PRKN: variants seen among roughly 807,000 people sequenced by gnomAD.
The protein encoded by PRKN is parkin RBR E3 ubiquitin protein ligase, also known as E3 ubiquitin-protein ligase parkin.
A neutral mutation model predicts 59.5 loss-of-function variants in PRKN; 56 were observed. That is an observed-to-expected ratio of 0.94 (90% CI 0.76 to 1.18). PRKN has a LOEUF of 1.18. Ranked by LOEUF, PRKN falls within the 50% of genes most tolerant of loss-of-function variation. The probability of loss-of-function intolerance (pLI) is 0.00; values close to 1 mark genes in which losing one functional copy is unlikely to be tolerated. For missense variants in PRKN, 657 were observed against 596.4 expected (o/e 1.10, Z -1.06); for synonymous variants, 250 against 222.1 (o/e 1.13, Z -1.12).
intron 7 of PRKN, among the ~76,000 whole-genome samples, chr6:161,740,299 C>T (rs77255775): frequency 0.026 from 3,926 of 152,264 alleles, 178 homozygotes; most frequent in African/African-American, 0.09. Context: ...CCCTTTGAAC[C>T]TAAGGATGTT....
At chr6:161,394,453 T>G (rs1423649884) in intron 9 of PRKN, among the ~76,000 whole-genome samples, 2 of 152,216 alleles carry the variant, frequency 1.3e-5, no homozygotes, top group Non-Finnish European at 2.9e-5. Flanking sequence ...TCCAACACCC[T>G]GCAGCCCTAG....
At chr6:161,808,823 C>T (rs1007432808) in intron 6 of PRKN, among the ~76,000 whole-genome samples, 1 of 151,930 alleles carries the variant, frequency 6.6e-6, no homozygotes, top group Non-Finnish European at 1.5e-5. Flanking sequence ...AAGTCATATT[C>T]TGGTATTTTG....
At chr6:162,458,557 T>C (rs1208628843) in intron 1 of PRKN, among the ~76,000 whole-genome samples, 1 of 151,694 alleles carries the variant, frequency 6.6e-6, no homozygotes, top group Non-Finnish European at 1.5e-5. Context: ...CACTGTTAAA[T>C]ATTTCCAGTA....
rs371596216 is a variant in PRKN, at chr6:162,314,586, C to T, written c.172-51821G>A. The stretch of plus-strand genomic sequence containing the variant: ...ATTCTCCCTAGGTTCTCTCAGGGAA[C>T]GGCATCTCCAGGCAACTTACTCCCC... On this transcript the variant is annotated intron_variant, in intron 2 of 11. Coordinates refer to ENST00000366898, the MANE Select transcript of PRKN (RefSeq NM_004562.3). Among the ~76,000 whole-genome samples the T allele has an allele frequency of 4.8e-4, 73 of 152,212 alleles. 3 individuals are homozygous for T. The South Asian group carries it at 0.012, about 26-fold the overall frequency.
intron 2 of PRKN, among the ~76,000 whole-genome samples, chr6:162,285,191 T>C (rs1234086433): frequency 6.6e-6 from 1 of 151,560 alleles, no homozygotes; most frequent in Non-Finnish European, 1.5e-5. Context: ...ACAAGAATTA[T>C]ACAACATTTT....
At chr6:161,573,828 AT>A (rs1451341473) in intron 7 of PRKN, among the ~76,000 whole-genome samples, 2 of 123,570 alleles carry the variant, frequency 1.6e-5, no homozygotes, top group South Asian at 3.1e-4. Flanking sequence ...GTTTTGGAGA[AT>A]TTTTTGTTTC....
At chr6:161,577,030 C>G (rs1259345992) in intron 7 of PRKN, among the ~76,000 whole-genome samples, 1 of 152,092 alleles carries the variant, frequency 6.6e-6, no homozygotes, top group Admixed American at 6.5e-5. Context: ...AAGTATGTAT[C>G]AAATTGAAGG....
At position 161,582,398 on chromosome 6, in the gene PRKN, G is replaced by T. The variant is rs1046189024; in HGVS notation, c.872-12982C>A. Among the ~76,000 whole-genome samples the T allele has an allele frequency of 6.9e-6, 1 of 145,600 alleles. No homozygotes were observed. The highest frequency in any genetic ancestry group is 1.5e-5 in the Non-Finnish European group (1 of 66,956). ...AGCAGATATAATCTGAACTAGGAAA[G>T]ACTGCATCTGCAGACTATTATTATT... On this transcript the variant is annotated intron_variant, in intron 7 of 11. Transcript: ENST00000366898. This position sits in a 1 kb window ranked among gnomAD's most constrained non-coding sequence, Gnocchi z 4.4.
intron 6 of PRKN, among the ~76,000 whole-genome samples, chr6:161,878,602 T>C (rs1017332266): frequency 6.6e-6 from 1 of 152,152 alleles, no homozygotes; most frequent in African/African-American, 2.4e-5. Flanking sequence ...TGCAAGGCCA[T>C]TGTTGAAAAA....
intron 2 of PRKN, among the ~76,000 whole-genome samples, chr6:162,298,285 T>C (rs1185995732): frequency 6.6e-6 from 1 of 152,072 alleles, no homozygotes; most frequent in Non-Finnish European, 1.5e-5. Context: ...GGATTTACCA[T>C]CCACCAGATG....
At chr6:162,290,886 A>G (rs1208092869) in intron 2 of PRKN, among the ~76,000 whole-genome samples, 2 of 152,198 alleles carry the variant, frequency 1.3e-5, no homozygotes, top group Non-Finnish European at 2.9e-5. Flanking sequence ...GGATAACTCT[A>G]AAAATGAACA....
rs1440403240 is a variant in PRKN at position 161,505,128 on chromosome 6, T to TACAGTCCCACCA, written c.1083+43714_1083+43725dup. ...GACTTCCACAATGGTCGAACTAGTTTACAGTCCCACCAACAGTGTAAAAGT... is the reference window on the plus strand; with the variant it reads ...GACTTCCACAATGGTCGAACTAGTTTACAGTCCCACCAACAGTCCCACCAACAGTGTAAAAGT... On this transcript the variant is annotated intron_variant, in intron 9 of 11. Coordinates refer to ENST00000366898, the MANE Select transcript of PRKN (RefSeq NM_004562.3). 1.2e-4 allele frequency among the ~76,000 whole-genome samples: 18 copies of TACAGTCCCACCA among 152,198 alleles called. 1 individual carries two copies. Among genetic ancestry groups the TACAGTCCCACCA allele is most frequent in the Non-Finnish European group, 2.9e-5 (2 of 68,032 alleles).
chr6:161,972,342 T>C (rs1050804734), intron 6 of PRKN, among the ~76,000 whole-genome samples: 1 of 152,158 alleles, frequency 6.6e-6, no homozygotes, highest in Non-Finnish European at 1.5e-5. Context: ...AATTTGAGCT[T>C]CTTAGCCAAC....
chr6:162,359,578 T>C (rs1277766165), intron 2 of PRKN, among the ~76,000 whole-genome samples: 1 of 116,918 alleles, frequency 8.6e-6, no homozygotes, highest in African/African-American at 4.0e-5. Context: ...TAACTAAATA[T>C]ACCTTTTAAA....
At chr6:162,597,040 G>A (rs912049662) in intron 1 of PRKN, among the ~76,000 whole-genome samples, 3 of 152,158 alleles carry the variant, frequency 2.0e-5, no homozygotes, top group Non-Finnish European at 4.4e-5. Flanking sequence ...CTAACTTTAG[G>A]AAATGTTAGT....
intron 9 of PRKN, among the ~76,000 whole-genome samples, chr6:161,515,543 A>G (rs1469953814): frequency 6.6e-6 from 1 of 152,238 alleles, no homozygotes; most frequent in African/African-American, 2.4e-5. Flanking sequence ...ATTTAAAATG[A>G]GGAGTCAATT....
chr6:162,724,585 A>G (rs1779054752), intron 1 of PRKN, among the ~76,000 whole-genome samples: 1 of 152,202 alleles, frequency 6.6e-6, no homozygotes, highest in South Asian at 2.1e-4. Flanking sequence ...GAAATTAAAG[A>G]ACAATAAAAT....
chr6:161,868,789 GA>G (rs950907016), intron 6 of PRKN, among the ~76,000 whole-genome samples: 1 of 152,020 alleles, frequency 6.6e-6, no homozygotes, highest in Non-Finnish European at 1.5e-5. Context: ...TATGAGGAGG[GA>G]AAAAAATATT....
At chr6:161,908,734 A>C (rs2128236568) in intron 6 of PRKN, among the ~76,000 whole-genome samples, 1 of 152,180 alleles carries the variant, frequency 6.6e-6, no homozygotes, top group African/African-American at 2.4e-5. Context: ...TAAAGGTACA[A>C]CCCTTAATCT....
Sources: allele counts gnomAD v4.1 joint callset (sites outside exome capture counted in the v4.1 genomes callset), GRCh38; gene constraint gnomAD v4.1.1; non-coding constraint Gnocchi (gnomAD v3.1); transcripts MANE v1.5; gene names NCBI Gene and HGNC (gene_info 2026-07-23, HGNC 2026-07-21).